The following SRGAP1 variants were observed in gnomAD, a reference collection of about 807,000 sequenced individuals.
SRGAP1 encodes the protein SLIT-ROBO Rho GTPase activating protein 1, also known as SLIT-ROBO Rho GTPase-activating protein 1.
A neutral mutation model predicts 121.9 loss-of-function variants in SRGAP1; 43 were observed. That is an observed-to-expected ratio of 0.35 (90% CI 0.28 to 0.46). SRGAP1 has a LOEUF of 0.46. Among genes scored for constraint, SRGAP1 ranks in the 20% least tolerant of loss-of-function variants. The pLI is 1.00. For missense variants in SRGAP1, 1,102 were observed against 1,350.9 expected, an observed-to-expected ratio of 0.82 and a Z score of 2.89; for synonymous variants, 447 against 485.4, an observed-to-expected ratio of 0.92 and a Z score of 1.04.
At chr12:63,974,685 G>T (rs375656229) in intron 1 of SRGAP1, among the ~76,000 whole-genome samples, 1 of 152,088 alleles carries the variant, frequency 6.6e-6, no homozygotes, top group Admixed American at 6.6e-5. Flanking sequence ...TATGTTCGTT[G>T]TACTATTTTG....
intron 1 of SRGAP1, among the ~76,000 whole-genome samples, chr12:63,886,091 C>T (rs1180904737): frequency 1.3e-5 from 2 of 152,230 alleles, no homozygotes; most frequent in South Asian, 2.1e-4. Context: ...GACCGAGTCT[C>T]ACTCCGCTGC....
intron 1 of SRGAP1, among the ~76,000 whole-genome samples, chr12:63,973,445 G>A (rs549393640): frequency 6.6e-6 from 1 of 152,192 alleles, no homozygotes; most frequent in South Asian, 2.1e-4. Flanking sequence ...AAATACTTAT[G>A]CACTCTCTGC....
At chr12:64,073,535 T>C (rs1405920073) in intron 8 of SRGAP1, among the ~76,000 whole-genome samples, 8 of 152,210 alleles carry the variant, frequency 5.3e-5, no homozygotes, top group Admixed American at 6.5e-5. Context: ...AACCCGAAGA[T>C]GCTCAAGTCC....
intron 1 of SRGAP1, among the ~76,000 whole-genome samples, chr12:63,964,043 T>G (rs2032716547): frequency 6.6e-6 from 1 of 152,144 alleles, no homozygotes; most frequent in African/African-American, 2.4e-5. Flanking sequence ...TTTTTTCCCC[T>G]GGGGAAGTGA....
At chr12:63,925,902 A>G (rs1285867291) in intron 1 of SRGAP1, among the ~76,000 whole-genome samples, 4 of 152,222 alleles carry the variant, frequency 2.6e-5, no homozygotes, top group Admixed American at 2.6e-4. Flanking sequence ...TGCCTTTCAC[A>G]CTTCCCATTT....
intron 2 of SRGAP1, among the ~76,000 whole-genome samples, chr12:63,986,148 C>T (rs1203128488): frequency 6.6e-6 from 1 of 151,446 alleles, no homozygotes; most frequent in Non-Finnish European, 1.5e-5. Flanking sequence ...TCTCTCTCTC[C>T]TCTCTTCTCT....
At position 64,091,281 on chromosome 12, in the gene SRGAP1, C is replaced by A; in HGVS notation, c.1442C>A (p.Pro481Gln). ...ATTATATTCCCTTCCCTTAGGCCTC[C>A]AAATGTTCCCCCTAAGCCCCAGAAA... The part of the protein sequence containing the change: ...HRAEYMTTRP[P>Q]NVPPKPQKHR... The change falls in exon 12 of 22, where the codon CCA becomes CAA. Residue 481 changes from proline to glutamine, a missense_variant. This residue lies in a region of SRGAP1 where 747 missense variants were observed against 929.4 expected (regional missense o/e 0.80). Transcript: ENST00000355086. The A allele has an allele frequency of 6.3e-7, 1 of 1,590,492 alleles. No homozygotes were observed. Among genetic ancestry groups the A allele is most frequent in the East Asian group, 2.3e-5 (1 of 44,142 alleles).
Position 64,125,997 on chromosome 12 carries a change from A to G in SRGAP1, c.2245A>G (p.Ile749Val). 6.2e-7 allele frequency: 1 copy of G among 1,614,054 alleles called. No individual in the cohort carries two copies. The highest frequency in any genetic ancestry group is 8.5e-7 in the Non-Finnish European group (1 of 1,179,968). The change falls in exon 19 of 22, where the codon ATA becomes GTA. Residue 749 changes from isoleucine (I) to valine (V), a missense_variant. By Grantham distance (29) the Ile-to-Val change is conservative (BLOSUM62 3). Transcript: ENST00000355086. ...TGTAGAATGTGAGCCAATAGAAGCA[A>G]TAGCCAAGTTTGACTATGTTGGGCG... ...SEDECEPIEA[I>V]AKFDYVGRSA...
intron 1 of SRGAP1, among the ~76,000 whole-genome samples, chr12:63,944,480 A>AC (rs2031977442): frequency 6.6e-6 from 1 of 152,096 alleles, no homozygotes; most frequent in Non-Finnish European, 1.5e-5. Context: ...CAAAGGCCCA[A>AC]CCTCCAAATA....
chr12:63,960,293 C>T (rs532565190), intron 1 of SRGAP1, among the ~76,000 whole-genome samples: 7 of 152,256 alleles, frequency 4.6e-5, no homozygotes, highest in East Asian at 1.9e-4. Context: ...GGTTCCCCTC[C>T]GGAGCTTCTG....
At position 64,142,363 on chromosome 12, in the gene SRGAP1, G is replaced by C; in HGVS notation, c.2949G>C (p.Lys983Asn). The part of the protein sequence containing the change: ...LRELERQSTA[K>N]HAPDVVLDTL... ...AACTGGAGAGACAGAGCACAGCAAA[G>C]CATGCCCCTGATGTGGTGCTGGATA... is the stretch of plus-strand genomic sequence containing the variant. Residue 983 changes from lysine to asparagine, a missense_variant, in exon 22 of 22, where the codon AAG becomes AAC. This residue lies in a region of SRGAP1 where 315 missense variants were observed against 343.1 expected (regional missense o/e 0.92). Coordinates refer to ENST00000355086, the MANE Select transcript of SRGAP1 (RefSeq NM_020762.4). 6.2e-7 allele frequency: 1 copy of C among 1,614,076 alleles called. No homozygotes were observed. The highest frequency in any genetic ancestry group is 8.5e-7 in the Non-Finnish European group (1 of 1,180,012).
chr12:63,980,271 T>C (rs909726347), intron 1 of SRGAP1, among the ~76,000 whole-genome samples: 1 of 152,084 alleles, frequency 6.6e-6, no homozygotes, highest in Non-Finnish European at 1.5e-5. Context: ...CCAGGCTGAT[T>C]TCAAACATTT....
rs2136662972 is a variant in SRGAP1, at chr12:64,149,472, C to A, written c.*6800C>A. Reference sequence around the variant, plus strand: ...ACCAGGAACAAATGCCCAAATCAGTCTGTAGAGTTGTTCCAGGAAAGACTC... The same window carrying A: ...ACCAGGAACAAATGCCCAAATCAGTATGTAGAGTTGTTCCAGGAAAGACTC... On this transcript the variant is annotated 3_prime_UTR_variant, in exon 22 of 22. Coordinates refer to ENST00000355086, the MANE Select transcript of SRGAP1 (RefSeq NM_020762.4). 1 of 152,322 alleles carries A rather than the reference C, an allele frequency of 6.6e-6. No homozygotes were observed. Among genetic ancestry groups the A allele is most frequent in the African/African-American group, 2.4e-5 (1 of 41,562 alleles). 9.4% of individuals were successfully genotyped at this position (152,322 alleles called of 1,614,324 possible). A position where few individuals can be genotyped will look rare whatever the true frequency, so the allele number is the denominator to read the frequency against.
intron 1 of SRGAP1, among the ~76,000 whole-genome samples, chr12:63,952,990 A>G (rs2032346062): frequency 1.3e-5 from 2 of 152,164 alleles, no homozygotes. Context: ...CATTTCATTT[A>G]ATCTTTAAAA....
intron 1 of SRGAP1, among the ~76,000 whole-genome samples, chr12:63,901,702 T>C (rs189266705): frequency 6.6e-6 from 1 of 152,364 alleles, no homozygotes; most frequent in East Asian, 1.9e-4. Flanking sequence ...AACCACAGTT[T>C]GGCCTCCCAA....
At chr12:64,044,784 G>A (rs553526362) in intron 6 of SRGAP1, among the ~76,000 whole-genome samples, 13 of 147,190 alleles carry the variant, frequency 8.8e-5, no homozygotes, top group South Asian at 2.2e-4. Context: ...GGGTTCAAGC[G>A]ATTCTTTTGC....
chr12:64,110,422 C>G (rs1226648257), intron 16 of SRGAP1, among the ~76,000 whole-genome samples: 1 of 152,184 alleles, frequency 6.6e-6, no homozygotes, highest in Non-Finnish European at 1.5e-5. Context: ...GTGGTTCTAC[C>G]CAGAGGCCCC....
intron 3 of SRGAP1, among the ~76,000 whole-genome samples, chr12:63,996,589 C>T (rs932745882): frequency 9.2e-5 from 14 of 152,122 alleles, no homozygotes; most frequent in South Asian, 2.1e-4. Flanking sequence ...GTCATATATT[C>T]GCTGAAAAAT....
At chr12:63,917,836 C>T (rs2030858653) in intron 1 of SRGAP1, among the ~76,000 whole-genome samples, 1 of 149,614 alleles carries the variant, frequency 6.7e-6, no homozygotes, top group African/African-American at 2.4e-5. Context: ...CCCACGCTAG[C>T]TGTGAGAAGT....
Sources: allele counts gnomAD v4.1 joint callset (sites outside exome capture counted in the v4.1 genomes callset), GRCh38; gene constraint gnomAD v4.1.1; regional missense constraint gnomAD v4.1.1; transcripts MANE v1.5; gene names NCBI Gene and HGNC (gene_info 2026-07-23, HGNC 2026-07-21).